The following NXN variants were observed in gnomAD, a reference collection of about 807,000 sequenced individuals.
NXN encodes nucleoredoxin 1.
Under a neutral mutation model 48.6 loss-of-function variants are expected in NXN, and 16 were observed. The observed-to-expected ratio is 0.33, with a 90% confidence interval of 0.22 to 0.50. The LOEUF (loss-of-function observed/expected upper bound fraction) is 0.50. NXN is among the 20% of genes least tolerant of loss of function. The probability of loss-of-function intolerance (pLI) is 0.98; values close to 1 mark genes in which losing one functional copy is unlikely to be tolerated. For missense variants in NXN, 492 were observed against 605.5 expected (o/e 0.81, Z 1.97); for synonymous variants, 281 against 269.6 (o/e 1.04, Z -0.41).
chr17:870,409 G>T (rs988919934), intron 1 of NXN, among the ~76,000 whole-genome samples: 1 of 150,156 alleles, frequency 6.7e-6, no homozygotes, highest in African/African-American at 2.4e-5. Context: ...AGAGTGAGGC[G>T]GCCTAAGGGA....
intron 1 of NXN, among the ~76,000 whole-genome samples, chr17:878,475 G>A (rs1318225623): frequency 7.7e-6 from 1 of 130,224 alleles, no homozygotes; most frequent in Non-Finnish European, 1.7e-5. Flanking sequence ...CCTTGAAGGT[G>A]GGGTGTGGGG....
chr17:967,281 G>C (rs2069317759), intron 1 of NXN, among the ~76,000 whole-genome samples: 1 of 152,232 alleles, frequency 6.6e-6, no homozygotes, highest in African/African-American at 2.4e-5. Context: ...GGGAGTCTGG[G>C]AGGACAGGAA....
intron 1 of NXN, among the ~76,000 whole-genome samples, chr17:879,166 A>G (rs1307641482): frequency 6.6e-6 from 1 of 151,468 alleles, no homozygotes; most frequent in Non-Finnish European, 1.5e-5. Context: ...ACTCTGTCTC[A>G]AAAAAAACAA....
At chr17:901,995 C>T (rs1035732538) in intron 1 of NXN, among the ~76,000 whole-genome samples, 48 of 152,170 alleles carry the variant, frequency 3.2e-4, no homozygotes, top group African/African-American at 1.1e-3. Flanking sequence ...CCACCGCACC[C>T]GGCCTCAGCT....
At chr17:860,371 A>G (rs2068029293) in intron 1 of NXN, among the ~76,000 whole-genome samples, 1 of 112,686 alleles carries the variant, frequency 8.9e-6, no homozygotes, top group Admixed American at 1.0e-4. Flanking sequence ...TGATCCACCC[A>G]CCTTGGCCTC....
intron 1 of NXN, among the ~76,000 whole-genome samples, chr17:948,932 TC>T (rs371111564): frequency 3.3e-3 from 6 of 1,824 alleles, no homozygotes; most frequent in African/African-American, 0.012. Context: ...CCTCCTCCTC[TC>T]CCCCCTGCCT....
At chr17:842,968 G>A (rs1169300571) in intron 1 of NXN, among the ~76,000 whole-genome samples, 2 of 104,520 alleles carry the variant, frequency 1.9e-5, no homozygotes, top group African/African-American at 7.1e-5. Flanking sequence ...AAGAAAGAGA[G>A]AAAGAGAGAA....
chr17:947,324 T>C (rs2069054726), intron 1 of NXN, among the ~76,000 whole-genome samples: 1 of 152,136 alleles, frequency 6.6e-6, no homozygotes, highest in African/African-American at 2.4e-5. Flanking sequence ...TTCCTAAATA[T>C]TATGGGCAGA....
chr17:889,421 A>G (rs2068385109), intron 1 of NXN, among the ~76,000 whole-genome samples: 1 of 152,188 alleles, frequency 6.6e-6, no homozygotes, highest in Admixed American at 6.5e-5. Context: ...GATTGGCCGG[A>G]TGCGGTGGCT....
intron 1 of NXN, among the ~76,000 whole-genome samples, chr17:834,086 G>A (rs373556835): frequency 1.3e-4 from 20 of 152,292 alleles, no homozygotes; most frequent in African/African-American, 3.4e-4. Flanking sequence ...CTGGGGGGAC[G>A]AGGCGGGTGG....
intron 1 of NXN, among the ~76,000 whole-genome samples, chr17:888,384 A>G (rs2068372069): frequency 6.6e-6 from 1 of 152,006 alleles, no homozygotes; most frequent in African/African-American, 2.4e-5. Flanking sequence ...ACTCCTGGCT[A>G]ATTTTTAAAA....
At chr17:848,331 G>T (rs951415757) in intron 1 of NXN, among the ~76,000 whole-genome samples, 20 of 152,084 alleles carry the variant, frequency 1.3e-4, no homozygotes, top group African/African-American at 4.8e-4. Flanking sequence ...GGAGAGACAG[G>T]GTTTCACCAT....
At chr17:951,075 G>A (rs551481232) in intron 1 of NXN, among the ~76,000 whole-genome samples, 2 of 149,558 alleles carry the variant, frequency 1.3e-5, no homozygotes, top group South Asian at 4.2e-4. Flanking sequence ...GGTGGCTCAC[G>A]CCTGTAATCC....
chr17:810,128 G>GCGTGCACGTTACGAGTCCGTGTGAGTGT, intron 5 of NXN, among the ~76,000 whole-genome samples: 1 of 139,192 alleles, frequency 7.2e-6, no homozygotes, highest in Admixed American at 7.3e-5. Context: ...CGTGTGAGTG[G>GCGTGCACGTTACGAGTCCGTGTGAGTGT]CGTGCACGTT....
intron 2 of NXN, among the ~76,000 whole-genome samples, chr17:823,998 C>A (rs1912959790): frequency 6.6e-6 from 1 of 151,950 alleles, no homozygotes; most frequent in Non-Finnish European, 1.5e-5. Flanking sequence ...CAACGGTTCC[C>A]AAACCTGGAT....
chr17:965,316 C>G (rs1294527046), intron 1 of NXN, among the ~76,000 whole-genome samples: 5 of 152,208 alleles, frequency 3.3e-5, no homozygotes, highest in Admixed American at 1.3e-4. Flanking sequence ...TGGCAGAGAG[C>G]TGGACTCGAC....
At chr17:835,162 G>A (rs1913735069) in intron 1 of NXN, among the ~76,000 whole-genome samples, 1 of 151,428 alleles carries the variant, frequency 6.6e-6, no homozygotes, top group Non-Finnish European at 1.5e-5. Context: ...CAAAAAATTA[G>A]CCGGGTGTGG....
intron 1 of NXN, among the ~76,000 whole-genome samples, chr17:891,767 C>T (rs1244895829): frequency 1.3e-5 from 2 of 151,574 alleles, no homozygotes. Context: ...CCTAAGCTAA[C>T]CCCACCATGC....
At chr17:883,565 T>C (rs968644102) in intron 1 of NXN, among the ~76,000 whole-genome samples, 1 of 152,222 alleles carries the variant, frequency 6.6e-6, no homozygotes, top group Admixed American at 6.5e-5. Flanking sequence ...GAGAGATGAC[T>C]CTGGAGGGGA....
Sources: allele counts gnomAD v4.1 joint callset (sites outside exome capture counted in the v4.1 genomes callset), GRCh38; gene constraint gnomAD v4.1.1; transcripts MANE v1.5; gene names NCBI Gene and HGNC (gene_info 2026-07-23, HGNC 2026-07-21).